The following IRAG1 variants were observed in gnomAD, a reference collection of about 807,000 sequenced individuals.
IRAG1 encodes the protein inositol 1,4,5-triphosphate receptor associated 1, also known as IP3R-associated cGMP kinase substrate.
IRAG1 carries 62 observed loss-of-function variants against 106.2 expected under a neutral mutation model. The ratio of observed to expected loss-of-function variants is 0.58; its 90% CI spans 0.48 to 0.72. The LOEUF is 0.72. Among genes scored for constraint, IRAG1 ranks in the 30% least tolerant of loss-of-function variants. The pLI is 0.00. For missense variants in IRAG1, 1,064 were observed against 1,140.7 expected (o/e 0.93, Z 0.97); for synonymous variants, 462 against 443.9 (o/e 1.04, Z -0.51).
Position 10,580,576 on chromosome 11 carries a change from G to T in IRAG1, c.2374C>A (p.Leu792Ile). The change falls in exon 20 of 21, where the codon CTA becomes ATA. Residue 792 changes from leucine to isoleucine, a missense_variant. By Grantham distance (5) the Leu-to-Ile change is conservative. Coordinates refer to ENST00000423302, the MANE Select transcript of IRAG1 (RefSeq NM_130385.4). ...EAYSKGFQEGLKKTKELQDLK... is the reference protein window; with the variant it reads ...EAYSKGFQEGIKKTKELQDLK... The stretch of plus-strand genomic sequence containing the variant: ...TCTTGAAGTTCTTTGGTCTTCTTTA[G>T]ACCTTCTTGGAATCTGGGGGGCAAA... 6.2e-7 allele frequency: 1 copy of T among 1,613,176 alleles called. No individual in the cohort carries two copies. The highest frequency in any genetic ancestry group is 1.1e-5 in the South Asian group (1 of 90,908).
At chr11:10,609,048 G>C (rs1854720209) in intron 11 of IRAG1, among the ~76,000 whole-genome samples, 1 of 152,162 alleles carries the variant, frequency 6.6e-6, no homozygotes, top group Non-Finnish European at 1.5e-5. Flanking sequence ...CTATCCAGTT[G>C]TCCCAGCACC....
In IRAG1 at chr11:10,671,658, G is replaced by A. The variant is rs1860234272; in HGVS notation, c.68-19476C>T. On this transcript the variant is annotated intron_variant, in intron 1 of 20. Transcript: ENST00000423302. ...ACCCAGGAGGTGGAGGTTTCAGTGA[G>A]CCAAGATCACACCACTGCACTCCAG... 2.0e-5 allele frequency among the ~76,000 whole-genome samples: 3 copies of A among 152,186 alleles called. No individual in the cohort carries two copies. The South Asian group carries it at 6.2e-4, about 31-fold the overall frequency.
At chr11:10,655,661 CT>C (rs776011240) in intron 1 of IRAG1, among the ~76,000 whole-genome samples, 5 of 152,104 alleles carry the variant, frequency 3.3e-5, no homozygotes, top group Non-Finnish European at 5.9e-5. Context: ...ATCCTGGACT[CT>C]TTTTAGCTAC....
rs962841140 is a variant in IRAG1, at chr11:10,657,063, C to T, written c.68-4881G>A. ...AGCAGCAGGTGGAGGACGCGGAGGC[C>T]GGCCCTGCCTTGTAGGCTTCAAAGG... On this transcript the variant is annotated intron_variant, in intron 1 of 20. Transcript: ENST00000423302. The surrounding 1 kb of genome is among the most constrained non-coding windows in gnomAD (Gnocchi z 4.1). Among the ~76,000 whole-genome samples, 3 of 152,072 alleles carry T rather than the reference C, an allele frequency of 2.0e-5. No individual in the cohort carries two copies. Among genetic ancestry groups the T allele is most frequent in the South Asian group, 2.1e-4 (1 of 4,830 alleles).
At chr11:10,689,875 G>C (rs1283969613) in intron 1 of IRAG1, among the ~76,000 whole-genome samples, 1 of 152,268 alleles carries the variant, frequency 6.6e-6, no homozygotes, top group African/African-American at 2.4e-5. Context: ...TGGTATTCTA[G>C]AGGGTTTTTT....
chr11:10,608,463 G>A (rs991076007), intron 11 of IRAG1, among the ~76,000 whole-genome samples: 12 of 152,026 alleles, frequency 7.9e-5, no homozygotes, highest in African/African-American at 2.9e-4. Context: ...AAAAGTGGGG[G>A]TCTGGGGGGA....
chr11:10,607,636 A>G (rs988857831), intron 11 of IRAG1, among the ~76,000 whole-genome samples: 3 of 147,544 alleles, frequency 2.0e-5, no homozygotes, highest in African/African-American at 7.4e-5. Context: ...GGGTCCTACC[A>G]GCGTCACAGA....
intron 9 of IRAG1, 133 bp from the exon 10 acceptor site, chr11:10,623,989 G>A: frequency 2.7e-6 from 2 of 749,752 alleles, no homozygotes; most frequent in Non-Finnish European, 4.6e-6. Flanking sequence ...TGGGTGGGCA[G>A]GCATGGCATG....
At position 10,657,858 on chromosome 11, in the gene IRAG1, G is replaced by A. The variant is rs1344027267; in HGVS notation, c.68-5676C>T. On this transcript the variant is annotated intron_variant, in intron 1 of 20. Transcript: ENST00000423302. The surrounding 1 kb of genome is among the most constrained non-coding windows in gnomAD (Gnocchi z 4.1). ...CACCCATTTTTACCAATGGGGAACC[G>A]AGGCCCAGAGGGGCAGGCATGTGAC... is the stretch of plus-strand genomic sequence containing the variant. 2.6e-5 allele frequency among the ~76,000 whole-genome samples: 4 copies of A among 152,158 alleles called. No individual in the cohort carries two copies. Among genetic ancestry groups the A allele is most frequent in the Non-Finnish European group, 5.9e-5 (4 of 68,040 alleles).
chr11:10,633,224 G>A lies in IRAG1; in HGVS notation c.329+744C>T, dbSNP rs535186179. Among the ~76,000 whole-genome samples the A allele has an allele frequency of 2.4e-3, 369 of 151,856 alleles. 1 individual carries two copies. The highest frequency in any genetic ancestry group is 0.022 in the East Asian group (115 of 5,166). ...CGAGTAGCTGGGACTACAGGCGCCC[G>A]CCACCACACCCGGCTAATTTTTCTG... On this transcript the variant is annotated intron_variant, in intron 3 of 20. Transcript: ENST00000423302.
intron 8 of IRAG1, among the ~76,000 whole-genome samples, chr11:10,627,268 G>C (rs1313440471): frequency 6.6e-6 from 1 of 152,142 alleles, no homozygotes; most frequent in East Asian, 1.9e-4. Flanking sequence ...TGCTGCCCTT[G>C]AAACACTGAG....
intron 15 of IRAG1, among the ~76,000 whole-genome samples, chr11:10,596,549 C>G (rs1349790826): frequency 6.6e-6 from 1 of 152,120 alleles, no homozygotes; most frequent in Non-Finnish European, 1.5e-5. Flanking sequence ...TTCCTTAGTT[C>G]TAGAAAATCC....
At chr11:10,638,476 G>C (rs114194332) in intron 2 of IRAG1, among the ~76,000 whole-genome samples, 2 of 151,896 alleles carry the variant, frequency 1.3e-5, no homozygotes, top group African/African-American at 4.8e-5. Context: ...GCAGCCTCAT[G>C]CCTATCACCA....
intron 1 of IRAG1, among the ~76,000 whole-genome samples, chr11:10,681,124 T>G (rs948444440): frequency 2.0e-5 from 3 of 152,262 alleles, no homozygotes; most frequent in Middle Eastern, 3.4e-3. Context: ...CTGGTGCCTA[T>G]GAGTTTCACC....
intron 10 of IRAG1, among the ~76,000 whole-genome samples, chr11:10,622,859 CATT>C (rs1013153514): frequency 6.1e-5 from 4 of 65,766 alleles, no homozygotes; most frequent in Non-Finnish European, 1.4e-4. Flanking sequence ...TAGTGCCAGG[CATT>C]GTTGTAAGCA....
Position 10,693,618 on chromosome 11 carries a change from C to T in IRAG1, c.-16G>A. Reference sequence around the variant, plus strand: ...CTTTTACCATTTAAGGTCAATGTTACATCTGGCTCCGGAGCTCAGAGCCGA... The same window carrying T: ...CTTTTACCATTTAAGGTCAATGTTATATCTGGCTCCGGAGCTCAGAGCCGA... On this transcript the variant is annotated 5_prime_UTR_variant, in exon 1 of 21. The change abolishes an upstream ATG in the 5' untranslated region. Coordinates refer to ENST00000423302, the MANE Select transcript of IRAG1 (RefSeq NM_130385.4). 1.3e-6 allele frequency: 2 copies of T among 1,534,640 alleles called. No homozygotes were observed. The highest frequency in any genetic ancestry group is 8.7e-7 in the Non-Finnish European group (1 of 1,146,832).
intron 15 of IRAG1, 32 bp from the exon 16 acceptor site, chr11:10,594,227 A>G: frequency 6.3e-7 from 1 of 1,597,398 alleles, no homozygotes; most frequent in East Asian, 2.3e-5. Context: ...AAGAGAACAC[A>G]GGTAAGTTTC....
intron 1 of IRAG1, among the ~76,000 whole-genome samples, chr11:10,664,909 A>T (rs1448324109): frequency 6.6e-6 from 1 of 152,222 alleles, no homozygotes; most frequent in Non-Finnish European, 1.5e-5. Context: ...TCCTGAGGCT[A>T]TCTTCTCAGA....
At chr11:10,651,091 C>CAAT (rs1332319223) in intron 2 of IRAG1, among the ~76,000 whole-genome samples, 1 of 152,164 alleles carries the variant, frequency 6.6e-6, no homozygotes, top group African/African-American at 2.4e-5. Context: ...TATAACAGGA[C>CAAT]AATACCATTT....
Sources: gnomAD v4.1 joint callset for allele counts (sites outside exome capture counted in the v4.1 genomes callset) on GRCh38, gnomAD v4.1.1 for gene constraint, Gnocchi (gnomAD v3.1) non-coding constraint, MANE v1.5 for transcripts, NCBI Gene and HGNC (gene_info 2026-07-23, HGNC 2026-07-21) for gene names.